Variants in COX7B2 observed in about 807,000 individuals in gnomAD.
COX7B2 encodes cytochrome c oxidase subunit 7B2, also known as cytochrome c oxidase subunit 7B2, mitochondrial.
For missense variants in COX7B2, 109 were observed against 95.9 expected (o/e 1.14, Z -0.57); for synonymous variants, 37 against 32.1 (o/e 1.15, Z -0.51).
chr4:46,891,742 G>C (rs1235209474), intron 1 of COX7B2, among the ~76,000 whole-genome samples: 1 of 152,078 alleles, frequency 6.6e-6, no homozygotes, highest in Non-Finnish European at 1.5e-5. Flanking sequence ...GTGTCACTAG[G>C]CAATAACGGA....
At chr4:46,819,077 G>C (rs138079675) in intron 2 of COX7B2, among the ~76,000 whole-genome samples, 157 of 152,220 alleles carry the variant, frequency 1.0e-3, no homozygotes, top group African/African-American at 3.6e-3. Context: ...GAATTTTGCC[G>C]TTTTTAAAAC....
intron 2 of COX7B2, among the ~76,000 whole-genome samples, chr4:46,781,165 G>A (rs1717427426): frequency 1.3e-5 from 2 of 152,032 alleles, no homozygotes; most frequent in African/African-American, 4.8e-5. Flanking sequence ...AGGAGAGAGG[G>A]GGCACAAAAG....
intron 2 of COX7B2, among the ~76,000 whole-genome samples, chr4:46,759,854 A>ATCT (rs1434696271): frequency 3.3e-5 from 5 of 149,752 alleles, no homozygotes; most frequent in African/African-American, 1.2e-4. Flanking sequence ...TATAAGTCAT[A>ATCT]TCTTATATAA....
At chr4:46,805,367 G>T (rs562322650) in intron 2 of COX7B2, among the ~76,000 whole-genome samples, 2 of 152,352 alleles carry the variant, frequency 1.3e-5, no homozygotes, top group Non-Finnish European at 2.9e-5. Flanking sequence ...ATCACATTAT[G>T]TAAAATATGC....
intron 1 of COX7B2, among the ~76,000 whole-genome samples, chr4:46,853,748 A>G (rs909951662): frequency 2.6e-5 from 4 of 152,136 alleles, no homozygotes; most frequent in Admixed American, 2.0e-4. Context: ...AAATAGTACT[A>G]TAATTATAAA....
chr4:46,781,618 G>C (rs906672795), intron 2 of COX7B2, among the ~76,000 whole-genome samples: 2 of 152,326 alleles, frequency 1.3e-5, no homozygotes, highest in Non-Finnish European at 1.5e-5. Flanking sequence ...CACTGTGGGA[G>C]CCCCTCTCTG....
rs572142451 is a variant in COX7B2 at position 46,781,873 on chromosome 4, C to T, written c.-49-46632G>A. Among the ~76,000 whole-genome samples, 16 of 152,322 alleles carry T rather than the reference C, an allele frequency of 1.1e-4. No homozygotes were observed. In the East Asian group the frequency reaches 1.4e-3, roughly 13 times the overall value. On this transcript the variant is annotated intron_variant, in intron 2 of 2. Transcript: ENST00000355591. ...GGTCCCTCAGCATTACCTGCCCACG[C>T]GGGCCTCAGCCGCCTCCCCGTGTGG...
chr4:46,765,679 C>G (rs1037465888), intron 2 of COX7B2, among the ~76,000 whole-genome samples: 2 of 151,954 alleles, frequency 1.3e-5, no homozygotes, highest in African/African-American at 4.8e-5. Context: ...CCAACATCAG[C>G]CCAGCCGATG....
chr4:46,855,799 A>C (rs1430003806), intron 1 of COX7B2, among the ~76,000 whole-genome samples: 1 of 152,204 alleles, frequency 6.6e-6, no homozygotes, highest in African/African-American at 2.4e-5. Flanking sequence ...ATTTAAATAC[A>C]TGAAACGAGA....
intron 2 of COX7B2, among the ~76,000 whole-genome samples, chr4:46,844,709 A>G (rs1716152426): frequency 6.6e-6 from 1 of 152,066 alleles, no homozygotes; most frequent in Non-Finnish European, 1.5e-5. Context: ...TAGTCTATCA[A>G]GTAAAACATT....
At chr4:46,785,221 G>T (rs1717685317) in intron 2 of COX7B2, among the ~76,000 whole-genome samples, 1 of 152,106 alleles carries the variant, frequency 6.6e-6, no homozygotes, top group African/African-American at 2.4e-5. Flanking sequence ...TGAATATTGA[G>T]CAGATGAGAA....
intron 2 of COX7B2, among the ~76,000 whole-genome samples, chr4:46,804,085 G>A (rs1270024175): frequency 6.6e-6 from 1 of 152,006 alleles, no homozygotes; most frequent in Non-Finnish European, 1.5e-5. Flanking sequence ...GCTGGCTCAG[G>A]AGTGAAGCTG....
Position 46,849,141 on chromosome 4 carries a change from CACACACAGACACACAT to C in COX7B2, c.-104-4143_-104-4128del, listed in dbSNP as rs1716493886. On this transcript the variant is annotated intron_variant, in intron 1 of 2. Transcript: ENST00000355591. ...CCATGGATATGGAGGGCTAACTATA[CACACACAGACACACAT>C]ACACACTTTATATGGCTCTGCAAGT... is the stretch of plus-strand genomic sequence containing the variant. Among the ~76,000 whole-genome samples, 6 of 152,146 alleles carry C rather than the reference CACACACAGACACACAT, an allele frequency of 3.9e-5. No individual in the cohort carries two copies. In the South Asian group the frequency reaches 1.2e-3, roughly 32 times the overall value.
intron 1 of COX7B2, among the ~76,000 whole-genome samples, chr4:46,904,199 C>A (rs1720238612): frequency 6.6e-6 from 1 of 151,900 alleles, no homozygotes. Context: ...AAACCCATTA[C>A]ATAAAGAAGG....
At chr4:46,885,985 C>T (rs1719062072) in intron 1 of COX7B2, among the ~76,000 whole-genome samples, 1 of 152,076 alleles carries the variant, frequency 6.6e-6, no homozygotes, top group Non-Finnish European at 1.5e-5. Context: ...ACCATGCAGA[C>T]ATTTTACTGC....
chr4:46,797,493 G>A (rs193268968), intron 2 of COX7B2, among the ~76,000 whole-genome samples: 185 of 152,210 alleles, frequency 1.2e-3, no homozygotes, highest in African/African-American at 3.7e-3. Flanking sequence ...GCAGCAGGCC[G>A]AATTCCTTTA....
chr4:46,805,030 G>A (rs983820827), intron 2 of COX7B2, among the ~76,000 whole-genome samples: 3 of 152,208 alleles, frequency 2.0e-5, no homozygotes, highest in Non-Finnish European at 1.5e-5. Flanking sequence ...GCAGCTGCTG[G>A]CCCAGGTGCT....
chr4:46,831,954 T>C (rs1298938351), intron 2 of COX7B2, among the ~76,000 whole-genome samples: 1 of 152,066 alleles, frequency 6.6e-6, no homozygotes, highest in Non-Finnish European at 1.5e-5. Flanking sequence ...AGTGGTGAGG[T>C]GGAGAACTTT....
intron 1 of COX7B2, among the ~76,000 whole-genome samples, chr4:46,859,862 G>T (rs932150501): frequency 2.6e-5 from 4 of 152,166 alleles, no homozygotes; most frequent in Non-Finnish European, 4.4e-5. Flanking sequence ...TTAAAAGTGG[G>T]TACAAATACA....
Sources: gnomAD v4.1 joint callset for allele counts (sites outside exome capture counted in the v4.1 genomes callset) on GRCh38, gnomAD v4.1.1 for gene constraint, MANE v1.5 for transcripts, NCBI Gene and HGNC (gene_info 2026-07-23, HGNC 2026-07-21) for gene names.